The following TRPM7 variants were observed in gnomAD, a reference collection of about 807,000 sequenced individuals.
The protein encoded by TRPM7 is transient receptor potential cation channel subfamily M member 7, also known as LTRPC ion channel family member 7.
A neutral mutation model predicts 229.7 loss-of-function variants in TRPM7; 134 were observed. That is an observed-to-expected ratio of 0.58 (90% CI 0.51 to 0.67). The LOEUF is 0.67. Ranked by LOEUF, TRPM7 falls within the 30% of genes least tolerant of loss-of-function variation. The probability of loss-of-function intolerance (pLI) is 0.00; values close to 1 mark genes in which losing one functional copy is unlikely to be tolerated. For synonymous variants in TRPM7, 699 were observed against 715.2 expected, an observed-to-expected ratio of 0.98 and a Z score of 0.36; for missense variants, 1,901 against 2,210.0, an observed-to-expected ratio of 0.86 and a Z score of 2.80.
At chr15:50,637,891 T>C (rs1596274341) in intron 6 of TRPM7, among the ~76,000 whole-genome samples, 1 of 152,144 alleles carries the variant, frequency 6.6e-6, no homozygotes, top group Non-Finnish European at 1.5e-5. Context: ...TAAACTATTA[T>C]CAGATTATTA....
chr15:50,674,893 A>G (rs1176537608), intron 1 of TRPM7, among the ~76,000 whole-genome samples: 1 of 152,170 alleles, frequency 6.6e-6, no homozygotes, highest in Non-Finnish European at 1.5e-5. Flanking sequence ...GTTTTTTCCA[A>G]GAGCTGGAAA....
At chr15:50,644,797 CAAAAAAAAAAAA>C (rs201997665) in intron 4 of TRPM7, among the ~76,000 whole-genome samples, 25,520 of 65,320 alleles carry the variant, frequency 0.39, 3,246 homozygotes, top group East Asian at 0.61. Flanking sequence ...AACTGCGTCT[CAAAAAAAAAAAA>C]AAAAAAAAAA....
chr15:50,611,262 A>G lies in TRPM7; in HGVS notation c.2111T>C (p.Met704Thr), dbSNP rs1241667574. The G allele has an allele frequency of 9.3e-6, 15 of 1,613,792 alleles. No individual in the cohort carries two copies. In the Admixed American group the frequency reaches 2.2e-4, roughly 23 times the overall value. ...TTCATAAGTGAGCAATTTCATAGCC[A>G]TGGTTTCATCTTGTCTGAAGGACTG... ...LEQSFRQDETMAMKLLTYELK... is the reference protein window; with the variant it reads ...LEQSFRQDETTAMKLLTYELK... Residue 704 changes from methionine to threonine, a missense_variant, in exon 17 of 39, where the codon ATG (methionine) becomes ACG (threonine). Transcript: ENST00000646667.
intron 2 of TRPM7, among the ~76,000 whole-genome samples, chr15:50,660,270 A>C (rs2061690714): frequency 6.6e-6 from 1 of 152,212 alleles, no homozygotes; most frequent in South Asian, 2.1e-4. Flanking sequence ...CATTTACAGA[A>C]TGTATTAAAA....
At chr15:50,617,134 ATAAAT>A (rs2060244274) in intron 13 of TRPM7, among the ~76,000 whole-genome samples, 1 of 26,384 alleles carries the variant, frequency 3.8e-5, no homozygotes, top group South Asian at 1.0e-3. Context: ...TACCAAAAAA[ATAAAT>A]AAATAAATAA....
chr15:50,610,306 A>T (rs1447561617), intron 17 of TRPM7, among the ~76,000 whole-genome samples: 2 of 152,166 alleles, frequency 1.3e-5, no homozygotes, highest in Non-Finnish European at 2.9e-5. Context: ...TTCAAGCCTT[A>T]TAAAGGTGCT....
chr15:50,656,621 C>T (rs568412621), intron 3 of TRPM7, among the ~76,000 whole-genome samples: 1 of 151,946 alleles, frequency 6.6e-6, no homozygotes, highest in Admixed American at 6.6e-5. Flanking sequence ...CAGGCGCGAA[C>T]CATCACATCC....
At chr15:50,663,130 G>T in intron 1 of TRPM7, 84 bp from the exon 2 acceptor site, 2 of 1,048,624 alleles carry the variant, frequency 1.9e-6, no homozygotes, top group East Asian at 2.6e-5. Flanking sequence ...CACATAAACA[G>T]TTCTTTTTTT....
chr15:50,606,681 T>G (rs1039705304), intron 20 of TRPM7, among the ~76,000 whole-genome samples: 1 of 151,972 alleles, frequency 6.6e-6, no homozygotes, highest in Non-Finnish European at 1.5e-5. Context: ...ATATTTTTAG[T>G]AGAGATGGGG....
In TRPM7 at chr15:50,659,888, G is replaced by A. The variant is rs552073896; in HGVS notation, c.84-2069C>T. ...TCACCATGTTGGCCAGGCTGGTCTC[G>A]AACTCCTGACCTCAGGTGATCCACC... is the stretch of plus-strand genomic sequence containing the variant. On this transcript the variant is annotated intron_variant, in intron 2 of 38. Transcript: ENST00000646667. Among the ~76,000 whole-genome samples, 4 of 152,196 alleles carry A rather than the reference G, an allele frequency of 2.6e-5. No individual in the cohort carries two copies. In the South Asian group the frequency reaches 8.3e-4, roughly 32 times the overall value.
At chr15:50,682,802 T>C (rs1022765438) in intron 1 of TRPM7, among the ~76,000 whole-genome samples, 13 of 152,172 alleles carry the variant, frequency 8.5e-5, no homozygotes, top group Admixed American at 7.9e-4. Flanking sequence ...TTCTTTTTAC[T>C]GATTCACATA....
intron 4 of TRPM7, among the ~76,000 whole-genome samples, chr15:50,648,203 C>T (rs552578306): frequency 1.3e-5 from 2 of 151,588 alleles, no homozygotes; most frequent in South Asian, 2.1e-4. Flanking sequence ...AACCAAGCCC[C>T]CTGAAGGATG....
intron 3 of TRPM7, among the ~76,000 whole-genome samples, chr15:50,650,523 T>C (rs2061393771): frequency 6.6e-6 from 1 of 151,920 alleles, no homozygotes; most frequent in South Asian, 2.1e-4. Context: ...GGTGAAACTC[T>C]GTCTCTCCTA....
intron 37 of TRPM7, 25 bp downstream of exon 37, chr15:50,570,079 T>TA: frequency 6.2e-7 from 1 of 1,601,112 alleles, no homozygotes; most frequent in African/African-American, 1.3e-5. Context: ...AATTATGCCT[T>TA]AATGAAATAG....
At chr15:50,628,099 T>A (rs1596245715) in intron 11 of TRPM7, 50 bp downstream of exon 11, 2 of 1,313,462 alleles carry the variant, frequency 1.5e-6, no homozygotes, top group East Asian at 2.3e-5. Context: ...AATACTTTTT[T>A]ATTACTTAGT....
At chr15:50,670,881 C>G (rs893551242) in intron 1 of TRPM7, among the ~76,000 whole-genome samples, 1 of 148,368 alleles carries the variant, frequency 6.7e-6, no homozygotes, top group Non-Finnish European at 1.5e-5. Context: ...CGTGTCAAAA[C>G]ATATTAAGTA....
At chr15:50,605,176 A>C in intron 20 of TRPM7, 32 bp from the exon 21 acceptor site, 2 of 1,533,152 alleles carry the variant, frequency 1.3e-6, no homozygotes, top group Non-Finnish European at 1.7e-6. Flanking sequence ...AAAAAAGTGT[A>C]ATCAGTTTAT....
chr15:50,567,731 C>T (rs1036892353), intron 38 of TRPM7, among the ~76,000 whole-genome samples: 10 of 151,760 alleles, frequency 6.6e-5, no homozygotes, highest in African/African-American at 2.2e-4. Context: ...CATGATCATA[C>T]CAAAAGATGC....
chr15:50,566,414 G>C (rs1566931098), intron 38 of TRPM7, among the ~76,000 whole-genome samples: 1 of 152,046 alleles, frequency 6.6e-6, no homozygotes, highest in Non-Finnish European at 1.5e-5. Flanking sequence ...ATAAACATCT[G>C]AGGCCGGGCG....
Sources: gnomAD v4.1 joint callset for allele counts (sites outside exome capture counted in the v4.1 genomes callset) on GRCh38, gnomAD v4.1.1 for gene constraint, MANE v1.5 for transcripts, NCBI Gene and HGNC (gene_info 2026-07-23, HGNC 2026-07-21) for gene names.